FUT8: variants seen among roughly 807,000 people sequenced by gnomAD.
FUT8 encodes alpha-(1,6)-fucosyltransferase.
In FUT8, 29 loss-of-function variants were observed where a neutral mutation model predicts 71.3. The observed-to-expected ratio is 0.41, with a 90% CI of 0.30 to 0.55. The LOEUF is 0.55. Among genes scored for constraint, FUT8 ranks in the 20% least tolerant of loss-of-function variants. The pLI is 0.34. For synonymous variants in FUT8, 254 were observed against 239.3 expected, an observed-to-expected ratio of 1.06 and a Z score of -0.57; for missense variants, 544 against 702.1, an observed-to-expected ratio of 0.77 and a Z score of 2.55.
intron 5 of FUT8, among the ~76,000 whole-genome samples, chr14:65,622,527 CAT>C (rs1889670338): frequency 6.6e-6 from 1 of 152,152 alleles, no homozygotes; most frequent in Non-Finnish European, 1.5e-5. Context: ...ACCAAAGTAA[CAT>C]AATTGTTGTC....
In FUT8 at chr14:65,439,987, T is replaced by TATATATATATACAC. The variant is rs1358951833; in HGVS notation, c.-325-15630_-325-15629insATATATACACATAT. ...ATATATATATATATATATATATATA[T>TATATATATATACAC]ATATGTACACACACACAGTGGAATA... On this transcript the variant is annotated intron_variant, in intron 1 of 10. Transcript: ENST00000673929. Among the ~76,000 whole-genome samples the TATATATATATACAC allele has an allele frequency of 1.0e-3, 139 of 138,066 alleles. 1 individual carries two copies. The highest frequency in any genetic ancestry group is 3.6e-3 in the African/African-American group (134 of 37,468). 90.6% of individuals were successfully genotyped at this position (138,066 alleles called of 152,430 possible).
At chr14:65,562,526 T>C (rs1272381686) in intron 3 of FUT8, among the ~76,000 whole-genome samples, 1 of 152,166 alleles carries the variant, frequency 6.6e-6, no homozygotes, top group Non-Finnish European at 1.5e-5. Context: ...GTAAACATAA[T>C]ATTACATAGG....
intron 2 of FUT8, among the ~76,000 whole-genome samples, chr14:65,552,237 T>C (rs903725752): frequency 1.1e-4 from 16 of 152,166 alleles, no homozygotes; most frequent in Non-Finnish European, 4.4e-5. Flanking sequence ...TTTTTTTCTT[T>C]TTTGGTTGTT....
intron 7 of FUT8, among the ~76,000 whole-genome samples, chr14:65,689,561 C>T (rs578055482): frequency 6.6e-6 from 1 of 151,948 alleles, no homozygotes; most frequent in South Asian, 2.1e-4. Flanking sequence ...TTTTTTGTTA[C>T]AGAGTCTCGC....
At chr14:65,713,328 T>C (rs923784003) in intron 7 of FUT8, among the ~76,000 whole-genome samples, 6 of 152,252 alleles carry the variant, frequency 3.9e-5, no homozygotes, top group Non-Finnish European at 7.3e-5. Flanking sequence ...TGCTTTCAAA[T>C]CTTGGCTATT....
At chr14:65,598,146 A>G (rs1271189265) in intron 3 of FUT8, among the ~76,000 whole-genome samples, 1 of 152,196 alleles carries the variant, frequency 6.6e-6, no homozygotes, top group Non-Finnish European at 1.5e-5. Context: ...AGCGTGGGCA[A>G]CGGAAAGAGA....
At chr14:65,667,776 CT>C (rs1421923662) in intron 6 of FUT8, among the ~76,000 whole-genome samples, 1 of 152,154 alleles carries the variant, frequency 6.6e-6, no homozygotes, top group East Asian at 1.9e-4. Context: ...TCAAACTATA[CT>C]GCAAGGCTGC....
intron 1 of FUT8, among the ~76,000 whole-genome samples, chr14:65,423,216 C>G (rs1353836219): frequency 6.6e-6 from 1 of 150,640 alleles, no homozygotes; most frequent in African/African-American, 2.4e-5. Flanking sequence ...GAACTCCTGA[C>G]CTTGTGATCT....
upstream of FUT8, chr14:65,412,275 GAGC>G (rs77660724): frequency 0.061 from 27,713 of 456,622 alleles, 994 homozygotes; most frequent in Admixed American, 0.1. Flanking sequence ...TGCAGGGGCT[GAGC>G]AGCAGCAGCG....
At chr14:65,444,976 C>T (rs139123707) in intron 1 of FUT8, among the ~76,000 whole-genome samples, 1,836 of 152,014 alleles carry the variant, frequency 0.012, 15 homozygotes, top group South Asian at 0.024. Context: ...GAGGCCGAGG[C>T]GGGTGGATCA....
At chr14:65,452,334 G>A (rs970969387) in intron 1 of FUT8, among the ~76,000 whole-genome samples, 10 of 152,142 alleles carry the variant, frequency 6.6e-5, no homozygotes, top group African/African-American at 9.7e-5. Flanking sequence ...AGAATGGGAC[G>A]AAATAATGAA....
chr14:65,378,836 G>GTTTT, the FUT8 span, among the ~76,000 whole-genome samples: 21 of 74,814 alleles, frequency 2.8e-4, no homozygotes, highest in Non-Finnish European at 4.6e-4. Flanking sequence ...TTCACAAGAA[G>GTTTT]GTTTTTTTTT....
At position 65,451,436 on chromosome 14, in the gene FUT8, T is replaced by C. The variant is rs546094509; in HGVS notation, c.-325-4185T>C. On this transcript the variant is annotated intron_variant, in intron 1 of 10. Coordinates refer to ENST00000673929, the MANE Select transcript of FUT8 (RefSeq NM_001371533.1). The stretch of plus-strand genomic sequence containing the variant: ...CTGCGACTATTGAAGCTCCAGAGGG[T>C]GTGTTACAGTGCTCTTTTAGCTCCG... Among the ~76,000 whole-genome samples, 3 of 152,216 alleles carry C rather than the reference T, an allele frequency of 2.0e-5. No homozygotes were observed. In the South Asian group the frequency reaches 6.2e-4, roughly 32 times the overall value.
At chr14:65,520,884 A>G (rs1883034454) in intron 2 of FUT8, among the ~76,000 whole-genome samples, 1 of 152,168 alleles carries the variant, frequency 6.6e-6, no homozygotes, top group South Asian at 2.1e-4. Context: ...TGAGATCTCC[A>G]GAAATTGTAT....
chr14:65,415,682 C>CTTT (rs59874921), intron 1 of FUT8, among the ~76,000 whole-genome samples: 3 of 141,066 alleles, frequency 2.1e-5, no homozygotes, highest in Admixed American at 1.4e-4. Flanking sequence ...GATATAATTC[C>CTTT]TTTTTTTTTT....
At chr14:65,736,511 C>A (rs2139396881) in intron 10 of FUT8, among the ~76,000 whole-genome samples, 1 of 151,842 alleles carries the variant, frequency 6.6e-6, no homozygotes, top group Non-Finnish European at 1.5e-5. Flanking sequence ...GGCCAATGTA[C>A]CACCTCAACT....
intron 2 of FUT8, among the ~76,000 whole-genome samples, chr14:65,466,922 A>G (rs1402379677): frequency 6.6e-6 from 1 of 152,022 alleles, no homozygotes; most frequent in African/African-American, 2.4e-5. Context: ...TCCTTATAAC[A>G]TTACTTTTAT....
intron 3 of FUT8, among the ~76,000 whole-genome samples, chr14:65,582,310 TAAGAA>T (rs1311789412): frequency 6.6e-6 from 1 of 152,216 alleles, no homozygotes; most frequent in Admixed American, 6.5e-5. Context: ...TATTTTGATA[TAAGAA>T]TATATTTACT....
intron 2 of FUT8, among the ~76,000 whole-genome samples, chr14:65,548,297 CT>C (rs1484541157): frequency 6.6e-6 from 1 of 151,948 alleles, no homozygotes; most frequent in Non-Finnish European, 1.5e-5. Context: ...TAGTTTTTCC[CT>C]TTCTGTAATG....
Sources: gnomAD v4.1 joint callset for allele counts (sites outside exome capture counted in the v4.1 genomes callset) on GRCh38, gnomAD v4.1.1 for gene constraint, MANE v1.5 for transcripts, NCBI Gene and HGNC (gene_info 2026-07-23, HGNC 2026-07-21) for gene names.